ADAM22: variants seen among roughly 807,000 people sequenced by gnomAD.
ADAM22 encodes ADAM metallopeptidase domain 22.
A neutral mutation model predicts 144.6 loss-of-function variants in ADAM22; 65 were observed. That is an observed-to-expected ratio of 0.45 (90% CI 0.37 to 0.55). The LOEUF (loss-of-function observed/expected upper bound fraction) is 0.55, where lower values mean the gene tolerates loss of function less well. ADAM22 is among the 20% of genes least tolerant of loss of function. The pLI, the probability that ADAM22 is intolerant of heterozygous loss-of-function variation, is 0.00. For synonymous variants in ADAM22, 391 were observed against 412.6 expected (o/e 0.95, Z 0.63); for missense variants, 974 against 1,184.9 (o/e 0.82, Z 2.61).
chr7:87,958,455 G>A (rs1441021355), intron 2 of ADAM22, among the ~76,000 whole-genome samples: 1 of 151,094 alleles, frequency 6.6e-6, no homozygotes, highest in Admixed American at 6.6e-5. Flanking sequence ...GCGTGATCTC[G>A]GCTCACTGCA....
chr7:88,125,176 A>G lies in ADAM22; in HGVS notation c.608-413A>G, dbSNP rs527714272. Among the ~76,000 whole-genome samples the G allele has an allele frequency of 2.2e-4, 34 of 152,128 alleles. No homozygotes were observed. The East Asian group carries it at 6.6e-3, about 29-fold the overall frequency. On this transcript the variant is annotated intron_variant, in intron 7 of 31. Transcript: ENST00000413139. ...AATTAGCTCAAAACTTTGGTGTCCT[A>G]TAACAATTTCTTAATAAATTATGAA...
chr7:88,149,388 A>G (rs1211362103), intron 18 of ADAM22, among the ~76,000 whole-genome samples: 2 of 152,212 alleles, frequency 1.3e-5, no homozygotes, highest in Non-Finnish European at 2.9e-5. Context: ...ACAAGAAGTC[A>G]GTGGAGGCAG....
Position 88,039,464 on chromosome 7 carries a change from A to AATATAT in ADAM22, c.324-36146_324-36141dup, listed in dbSNP as rs1554420479. 1.2e-3 allele frequency among the ~76,000 whole-genome samples: 95 copies of AATATAT among 76,352 alleles called. 4 individuals carry two copies. The highest frequency in any genetic ancestry group is 3.8e-3 in the African/African-American group (80 of 21,124). 50.1% of individuals were successfully genotyped at this position (76,352 alleles called of 152,430 possible). A position where few individuals can be genotyped will look rare whatever the true frequency, so the allele number is the denominator to read the frequency against. ...GATTCTGTCTCAAAAAAAAAAAAAA[A>AATATAT]ATATATATATATATATATATACATT... On this transcript the variant is annotated intron_variant, in intron 3 of 31. Transcript: ENST00000413139.
rs115775043 is a variant in ADAM22 at position 88,195,861 on chromosome 7, T to C, written c.2875-610T>C. ...GAGGTAGTGATAGAAGTGGAGTGTA[T>C]GGCAGTGATTTTCAAGTGGGTGATG... On this transcript the variant is annotated intron_variant, in intron 31 of 31. Transcript: ENST00000413139. Among the ~76,000 whole-genome samples the C allele has an allele frequency of 5.3e-3, 804 of 152,136 alleles. 12 individuals carry two copies. The highest frequency in any genetic ancestry group is 0.019 in the African/African-American group (788 of 41,524).
intron 14 of ADAM22, among the ~76,000 whole-genome samples, chr7:88,141,005 T>C (rs951852702): frequency 3.3e-5 from 5 of 151,096 alleles, no homozygotes; most frequent in Non-Finnish European, 7.4e-5. Context: ...AGAGGAGGGG[T>C]CCCAGTGGTG....
intron 3 of ADAM22, among the ~76,000 whole-genome samples, chr7:88,071,575 G>A (rs1812831357): frequency 6.6e-6 from 1 of 151,884 alleles, no homozygotes; most frequent in Non-Finnish European, 1.5e-5. Flanking sequence ...AGCTGTCTCT[G>A]ATTCATGACA....
intron 2 of ADAM22, among the ~76,000 whole-genome samples, chr7:87,977,225 T>C (rs1390369978): frequency 1.3e-5 from 2 of 152,170 alleles, no homozygotes; most frequent in Admixed American, 6.5e-5. Context: ...ATCCTTTCTT[T>C]CCAAAAAGTC....
intron 30 of ADAM22, among the ~76,000 whole-genome samples, chr7:88,192,842 C>T (rs547375828): frequency 1.4e-4 from 22 of 152,238 alleles, no homozygotes; most frequent in African/African-American, 5.3e-4. Context: ...AGCTTTTTAT[C>T]TATTCTATAG....
intron 3 of ADAM22, among the ~76,000 whole-genome samples, chr7:88,039,118 A>G (rs1244407121): frequency 6.6e-6 from 1 of 151,922 alleles, no homozygotes; most frequent in Non-Finnish European, 1.5e-5. Context: ...AGTCATAATC[A>G]TCAAGTTTAT....
chr7:87,967,899 G>T (rs922674424), intron 2 of ADAM22, among the ~76,000 whole-genome samples: 1 of 149,996 alleles, frequency 6.7e-6, no homozygotes. Context: ...CCTCAATTTA[G>T]CTGGAAAGAC....
At chr7:88,135,040 G>C (rs1237862516) in intron 13 of ADAM22, among the ~76,000 whole-genome samples, 1 of 151,912 alleles carries the variant, frequency 6.6e-6, no homozygotes, top group Non-Finnish European at 1.5e-5. Context: ...TTGGGAGGCT[G>C]AGGCAGGCGG....
intron 9 of ADAM22, among the ~76,000 whole-genome samples, 153 bp downstream of exon 9, chr7:88,128,829 C>T (rs1206089843): frequency 6.6e-6 from 1 of 151,990 alleles, no homozygotes; most frequent in African/African-American, 2.4e-5. Context: ...CAACAACCTG[C>T]AATTAGGAAA....
At chr7:88,174,109 T>C (rs1476298808) in intron 26 of ADAM22, among the ~76,000 whole-genome samples, 1 of 152,150 alleles carries the variant, frequency 6.6e-6, no homozygotes, top group African/African-American at 2.4e-5. Context: ...AACTTTCCAA[T>C]TCCTGGAGAG....
chr7:88,110,828 C>T (rs1348066715), intron 5 of ADAM22, among the ~76,000 whole-genome samples: 1 of 134,234 alleles, frequency 7.4e-6, no homozygotes, highest in Non-Finnish European at 1.6e-5. Context: ...CTGCAGCCTC[C>T]GCCTCCCAGG....
intron 3 of ADAM22, among the ~76,000 whole-genome samples, chr7:88,006,773 T>G (rs1793983382): frequency 6.6e-6 from 1 of 150,432 alleles, no homozygotes; most frequent in African/African-American, 2.4e-5. Flanking sequence ...GAGCTGTCTA[T>G]GACAAACCCA....
Position 88,196,645 on chromosome 7 carries a change from G to C in ADAM22, c.*154G>C. ...GGAGAGGAAGCGGAGTTTCACATCT[G>C]GTTACCATTTTCTTTTTGTCATTGG... On this transcript the variant is annotated 3_prime_UTR_variant, in exon 32 of 32. Coordinates refer to ENST00000413139, the MANE Select transcript of ADAM22 (RefSeq NM_001324418.2). The C allele has an allele frequency of 2.6e-6, 2 of 755,532 alleles. No individual in the cohort carries two copies. Among genetic ancestry groups the C allele is most frequent in the Non-Finnish European group, 4.4e-6 (2 of 457,190 alleles). The allele number at this position is 755,532 out of a possible 1,614,324, so 46.8% of individuals were successfully genotyped here. A position where few individuals can be genotyped will look rare whatever the true frequency, so the allele number is the denominator to read the frequency against.
intron 3 of ADAM22, among the ~76,000 whole-genome samples, chr7:87,999,205 A>G (rs542412353): frequency 9.8e-5 from 15 of 152,338 alleles, no homozygotes; most frequent in Admixed American, 7.8e-4. Context: ...GATATGGGAG[A>G]CAGACTCATT....
At chr7:87,942,578 T>C (rs1294321190) in intron 2 of ADAM22, among the ~76,000 whole-genome samples, 1 of 152,226 alleles carries the variant, frequency 6.6e-6, no homozygotes, top group Admixed American at 6.5e-5. Flanking sequence ...CTGAAAAATA[T>C]ATACATTTTA....
chr7:87,976,994 G>T (rs757150131), intron 2 of ADAM22, among the ~76,000 whole-genome samples: 3 of 151,928 alleles, frequency 2.0e-5, no homozygotes, highest in Non-Finnish European at 4.4e-5. Flanking sequence ...GTAAGGTGTG[G>T]CTCCAAGAAC....
Sources: allele counts gnomAD v4.1 joint callset (sites outside exome capture counted in the v4.1 genomes callset), GRCh38; gene constraint gnomAD v4.1.1; transcripts MANE v1.5; gene names NCBI Gene and HGNC (gene_info 2026-07-23, HGNC 2026-07-21).